SCRG1: variants seen among roughly 807,000 people sequenced by gnomAD.
The protein encoded by SCRG1 is scrapie-responsive protein 1.
In SCRG1, 3 loss-of-function variants were observed where a neutral mutation model predicts 7.7. The observed-to-expected ratio is 0.39, with a 90% confidence interval of 0.18 to 1.01. SCRG1 has a LOEUF of 1.01. Among genes scored for constraint, SCRG1 ranks in the 50% least tolerant of loss-of-function variants. The pLI, the probability that SCRG1 is intolerant of heterozygous loss-of-function variation, is 0.36. For missense variants in SCRG1, 110 were observed against 117.2 expected, an observed-to-expected ratio of 0.94 and a Z score of 0.28; for synonymous variants, 46 against 41.2, an observed-to-expected ratio of 1.12 and a Z score of -0.44.
the SCRG1 span, among the ~76,000 whole-genome samples, chr4:173,418,446 GCTGA>G: frequency 6.6e-6 from 1 of 152,146 alleles, no homozygotes; most frequent in Non-Finnish European, 1.5e-5. Flanking sequence ...CAGAGTCACA[GCTGA>G]CCCACAGTCA....
rs749325462 is a variant in SCRG1 at position 173,387,705 on chromosome 4, CTT to C, written c.*634_*635del. 347 of 66,974 alleles carry C rather than the reference CTT, an allele frequency of 5.2e-3. No individual in the cohort carries two copies. Among genetic ancestry groups the C allele is most frequent in the African/African-American group, 9.2e-3 (152 of 16,450 alleles). The allele number at this position is 66,974 out of a possible 1,614,324, so 4.1% of individuals were successfully genotyped here. A position where few individuals can be genotyped will look rare whatever the true frequency, so the allele number is the denominator to read the frequency against. On this transcript the variant is annotated 3_prime_UTR_variant, in exon 3 of 3. Coordinates refer to ENST00000296506, the MANE Select transcript of SCRG1 (RefSeq NM_007281.4). ...TACCCTCAAATATTGTTCCCTTTTC[CTT>C]TTTTTTTTTTTTTTTTTTTTTTCGA...
upstream of SCRG1, among the ~76,000 whole-genome samples, chr4:173,409,359 T>G (rs1277309741): frequency 2.0e-5 from 3 of 152,188 alleles, no homozygotes; most frequent in African/African-American, 7.2e-5. Flanking sequence ...CAGAGGGCCC[T>G]TCAGATGCTT....
chr4:173,501,839 C>T, the SCRG1 span, among the ~76,000 whole-genome samples: 1 of 152,208 alleles, frequency 6.6e-6, no homozygotes, highest in East Asian at 1.9e-4. The surrounding 1 kb of genome is among the most constrained non-coding windows in gnomAD (Gnocchi z 5.1). Flanking sequence ...ACAGGAACCA[C>T]CGCGCGTCTT....
At chr4:173,398,206 A>G (rs2126919830) in intron 1 of SCRG1, 1 of 152,320 alleles carries the variant, frequency 6.6e-6, no homozygotes, top group African/African-American at 2.4e-5. Context: ...TTAAAAAGTG[A>G]ATAAGCTGCT....
the SCRG1 span, among the ~76,000 whole-genome samples, chr4:173,417,505 C>A: frequency 6.6e-6 from 1 of 152,166 alleles, no homozygotes; most frequent in Non-Finnish European, 1.5e-5. Flanking sequence ...ATTTACTGAT[C>A]CTTTATTATA....
chr4:173,487,610 A>G, the SCRG1 span, among the ~76,000 whole-genome samples: 10 of 152,156 alleles, frequency 6.6e-5, no homozygotes, highest in Non-Finnish European at 8.8e-5. Flanking sequence ...TTTTTTAGTC[A>G]GTGTTCAGGA....
upstream of SCRG1, chr4:173,399,352 A>G (rs957594113): frequency 2.6e-5 from 4 of 152,246 alleles, no homozygotes; most frequent in South Asian, 6.2e-4. Context: ...GCTTCTTTAC[A>G]GAGGGAAATA....
chr4:173,417,652 A>T, the SCRG1 span, among the ~76,000 whole-genome samples: 2 of 141,480 alleles, frequency 1.4e-5, no homozygotes, highest in Admixed American at 7.2e-5. Flanking sequence ...TTTTTCAGAG[A>T]GGAGGTCTTG....
chr4:173,422,513 G>T, the SCRG1 span, among the ~76,000 whole-genome samples: 844 of 152,162 alleles, frequency 5.5e-3, 5 homozygotes, highest in African/African-American at 0.019. Context: ...CCTTACTTTT[G>T]CCAGAATTGT....
chr4:173,443,708 T>C, the SCRG1 span, among the ~76,000 whole-genome samples: 1 of 152,172 alleles, frequency 6.6e-6, no homozygotes, highest in East Asian at 1.9e-4. Context: ...TGAATTCTTT[T>C]CTTTTTAAGA....
chr4:173,505,711 G>A, the SCRG1 span, among the ~76,000 whole-genome samples: 2 of 152,294 alleles, frequency 1.3e-5, no homozygotes, highest in Admixed American at 6.5e-5. The surrounding 1 kb of genome is among the most constrained non-coding windows in gnomAD (Gnocchi z 4.4). Flanking sequence ...ATTCTCTCTA[G>A]AGTGTAAGCA....
At chr4:173,453,884 C>T in the SCRG1 span, among the ~76,000 whole-genome samples, 23 of 152,200 alleles carry the variant, frequency 1.5e-4, no homozygotes, top group South Asian at 4.8e-3. Context: ...CGAGACCAGC[C>T]TGGCCAACAT....
the SCRG1 span, among the ~76,000 whole-genome samples, chr4:173,483,212 CATATAATATATATATTAT>C: frequency 3.4e-4 from 5 of 14,672 alleles, no homozygotes; most frequent in Non-Finnish European, 5.9e-4. Flanking sequence ...TATGATATAT[CATATAATATATATATTAT>C]ATATAATATA....
chr4:173,414,389 G>T, the SCRG1 span, among the ~76,000 whole-genome samples: 1 of 152,176 alleles, frequency 6.6e-6, no homozygotes, highest in Non-Finnish European at 1.5e-5. Flanking sequence ...TAGGAAACAA[G>T]TTGCATCTCA....
the SCRG1 span, among the ~76,000 whole-genome samples, chr4:173,471,226 T>C: frequency 6.6e-6 from 1 of 152,158 alleles, no homozygotes; most frequent in Non-Finnish European, 1.5e-5. Context: ...GGCAAGCACA[T>C]GGTAGGGTAG....
intron 1 of SCRG1, among the ~76,000 whole-genome samples, chr4:173,392,828 C>T (rs566405412): frequency 6.6e-4 from 100 of 152,310 alleles, no homozygotes; most frequent in African/African-American, 2.1e-3. Flanking sequence ...TGGTGGCTCA[C>T]ACCTGTAATC....
the SCRG1 span, among the ~76,000 whole-genome samples, chr4:173,483,049 A>G: frequency 1.0e-4 from 11 of 109,598 alleles, no homozygotes; most frequent in African/African-American, 3.4e-4. Flanking sequence ...TGTATATTTT[A>G]TATATAATAT....
chr4:173,482,316 T>C, the SCRG1 span, among the ~76,000 whole-genome samples: 3 of 152,188 alleles, frequency 2.0e-5, no homozygotes, highest in Non-Finnish European at 4.4e-5. Context: ...TTAGAGACTC[T>C]TAACTTGGGT....
chr4:173,433,677 T>C, the SCRG1 span, among the ~76,000 whole-genome samples: 2 of 152,238 alleles, frequency 1.3e-5, no homozygotes, highest in African/African-American at 4.8e-5. Context: ...ATCAGTGGCC[T>C]TTCTCTGGGC....
Sources: allele counts gnomAD v4.1 joint callset (sites outside exome capture counted in the v4.1 genomes callset), GRCh38; gene constraint gnomAD v4.1.1; non-coding constraint Gnocchi (gnomAD v3.1); transcripts MANE v1.5; gene names NCBI Gene and HGNC (gene_info 2026-07-23, HGNC 2026-07-21).